The following PTN variants were observed in gnomAD, a reference collection of about 807,000 sequenced individuals.
PTN encodes heparin affin regulatory protein.
A neutral mutation model predicts 24.1 loss-of-function variants in PTN; 18 were observed. The observed-to-expected ratio is 0.75, with a 90% confidence interval of 0.52 to 1.11. The LOEUF (loss-of-function observed/expected upper bound fraction) is 1.11, where lower values mean the gene tolerates loss of function less well. Ranked by LOEUF, PTN falls within the 50% of genes least tolerant of loss-of-function variation. PTN has a pLI of 0.00. For missense variants in PTN, 163 were observed against 198.8 expected (o/e 0.82, Z 1.08); for synonymous variants, 78 against 68.6 (o/e 1.14, Z -0.67).
intron 1 of PTN, among the ~76,000 whole-genome samples, chr7:137,315,792 T>C (rs1810062111): frequency 6.6e-6 from 1 of 152,018 alleles, no homozygotes; most frequent in Non-Finnish European, 1.5e-5. Flanking sequence ...TAGAATGTAG[T>C]AAAAGTATCC....
At chr7:137,316,883 G>A (rs1810081692) in intron 1 of PTN, among the ~76,000 whole-genome samples, 1 of 152,178 alleles carries the variant, frequency 6.6e-6, no homozygotes, top group African/African-American at 2.4e-5. Context: ...CAAGGCAGTG[G>A]CGCCTGTGCC....
intron 1 of PTN, among the ~76,000 whole-genome samples, chr7:137,267,232 T>G (rs1809168064): frequency 6.6e-6 from 1 of 152,082 alleles, no homozygotes; most frequent in Non-Finnish European, 1.5e-5. Flanking sequence ...GCCTCTATCT[T>G]TCTCTGTCTC....
chr7:137,266,403 C>G (rs1809145504), intron 1 of PTN, among the ~76,000 whole-genome samples: 1 of 152,144 alleles, frequency 6.6e-6, no homozygotes, highest in Non-Finnish European at 1.5e-5. Flanking sequence ...TAAACTGTTT[C>G]TTCAATAGTA....
chr7:137,256,130 A>G (rs1808919321), intron 1 of PTN, among the ~76,000 whole-genome samples: 1 of 151,768 alleles, frequency 6.6e-6, no homozygotes. Flanking sequence ...TTGCCCGTGA[A>G]TTTTTCTCCT....
intron 1 of PTN, among the ~76,000 whole-genome samples, chr7:137,303,041 A>G (rs1311982454): frequency 6.6e-6 from 1 of 152,006 alleles, no homozygotes; most frequent in Non-Finnish European, 1.5e-5. Flanking sequence ...CAGCTGCATG[A>G]GACATGAAAA....
intron 1 of PTN, among the ~76,000 whole-genome samples, chr7:137,307,847 C>T (rs1284232349): frequency 6.6e-6 from 1 of 152,088 alleles, no homozygotes; most frequent in Non-Finnish European, 1.5e-5. Context: ...AGAATGTACC[C>T]TTGTACTCTG....
intron 1 of PTN, among the ~76,000 whole-genome samples, chr7:137,330,576 G>T (rs1810340804): frequency 6.6e-6 from 1 of 152,118 alleles, no homozygotes; most frequent in South Asian, 2.1e-4. Context: ...CTAAAGGTGG[G>T]GAGGACATGA....
intron 1 of PTN, among the ~76,000 whole-genome samples, chr7:137,306,153 C>A (rs1809885032): frequency 6.6e-6 from 1 of 152,060 alleles, no homozygotes; most frequent in Admixed American, 6.6e-5. Context: ...CCTAAATCTG[C>A]CCTTCCTGAA....
At chr7:137,280,691 T>TAACAAAAAAAAAAAAAAAAAAA (rs760779128) in intron 1 of PTN, among the ~76,000 whole-genome samples, 8 of 14,754 alleles carry the variant, frequency 5.4e-4, no homozygotes, top group Admixed American at 1.2e-3. Context: ...CCGTCTCTAC[T>TAACAAAAAAAAAAAAAAAAAAA]AAAAATACAA....
chr7:137,257,343 C>G (rs1808951444), intron 1 of PTN, among the ~76,000 whole-genome samples: 1 of 152,148 alleles, frequency 6.6e-6, no homozygotes, highest in African/African-American at 2.4e-5. Flanking sequence ...TTGCACCAAC[C>G]TAATACCTCA....
intron 1 of PTN, among the ~76,000 whole-genome samples, chr7:137,301,959 GACT>G (rs1809813812): frequency 9.0e-6 from 1 of 110,958 alleles, no homozygotes; most frequent in African/African-American, 2.9e-5. Flanking sequence ...TCTAGTAACT[GACT>G]ATTTTTGTTA....
At chr7:137,254,029 G>A (rs551422507) in intron 2 of PTN, among the ~76,000 whole-genome samples, 1 of 152,316 alleles carries the variant, frequency 6.6e-6, no homozygotes, top group East Asian at 1.9e-4. Flanking sequence ...GCTGGGCAAA[G>A]TGGCTCATGC....
intron 1 of PTN, among the ~76,000 whole-genome samples, chr7:137,266,866 G>GC (rs1316960568): frequency 8.9e-6 from 1 of 112,564 alleles, no homozygotes; most frequent in Admixed American, 1.2e-4. Flanking sequence ...TGTATAGATG[G>GC]CCTTTTTTTT....
intron 1 of PTN, among the ~76,000 whole-genome samples, chr7:137,313,917 G>A (rs1810026390): frequency 6.6e-6 from 1 of 152,126 alleles, no homozygotes; most frequent in Admixed American, 6.6e-5. Context: ...CAACTAGACT[G>A]GGCCAGACAT....
intron 1 of PTN, among the ~76,000 whole-genome samples, chr7:137,263,482 G>A (rs550404723): frequency 2.1e-4 from 32 of 152,188 alleles, no homozygotes; most frequent in African/African-American, 7.0e-4. Flanking sequence ...TGAGTTTCTT[G>A]CCGGGCCAGA....
intron 1 of PTN, among the ~76,000 whole-genome samples, chr7:137,260,157 A>T (rs1411103154): frequency 6.6e-6 from 1 of 152,154 alleles, no homozygotes; most frequent in Admixed American, 6.5e-5. Context: ...GGAAACAATC[A>T]GTTTTGAGAG....
At chr7:137,256,284 C>G (rs1481037258) in intron 1 of PTN, among the ~76,000 whole-genome samples, 1 of 152,092 alleles carries the variant, frequency 6.6e-6, no homozygotes, top group African/African-American at 2.4e-5. Flanking sequence ...GTTTGCTGCA[C>G]TTATTGACTG....
chr7:137,255,418 GATGA>G (rs1419637418), intron 1 of PTN, among the ~76,000 whole-genome samples: 3 of 152,152 alleles, frequency 2.0e-5, no homozygotes, highest in African/African-American at 4.8e-5. Context: ...GAGTAGACAT[GATGA>G]ATGAATTACC....
intron 1 of PTN, among the ~76,000 whole-genome samples, chr7:137,311,770 C>T (rs569325388): frequency 6.2e-5 from 8 of 128,288 alleles, no homozygotes; most frequent in African/African-American, 4.1e-4. Flanking sequence ...TACCCCAAAA[C>T]AATTACAACA....
Sources: allele counts gnomAD v4.1 joint callset (sites outside exome capture counted in the v4.1 genomes callset), GRCh38; gene constraint gnomAD v4.1.1; transcripts MANE v1.5; gene names NCBI Gene and HGNC (gene_info 2026-07-23, HGNC 2026-07-21).